CPA3: variants seen among roughly 807,000 people sequenced by gnomAD.
The protein encoded by CPA3 is mast cell carboxypeptidase A.
Under a neutral mutation model 55.8 loss-of-function variants are expected in CPA3, and 52 were observed. The ratio of observed to expected loss-of-function variants is 0.93; its 90% confidence interval spans 0.75 to 1.17. The LOEUF is 1.17. CPA3 is among the 50% of genes most tolerant of loss of function. The pLI, the probability that CPA3 is intolerant of heterozygous loss-of-function variation, is 0.00. For missense variants in CPA3, 547 were observed against 509.1 expected (o/e 1.07, Z -0.72); for synonymous variants, 179 against 171.2 (o/e 1.05, Z -0.36).
rs1395450262 is a variant in CPA3 at position 148,897,168 on chromosome 3, G to A, written c.*461G>A. 1 of 152,220 alleles carries A rather than the reference G, an allele frequency of 6.6e-6. No individual in the cohort carries two copies. The highest frequency in any genetic ancestry group is 1.9e-4 in the East Asian group (1 of 5,184). 9.4% of individuals were successfully genotyped at this position (152,220 alleles called of 1,614,324 possible). A position where few individuals can be genotyped will look rare whatever the true frequency, so the allele number is the denominator to read the frequency against. Reference sequence around the variant, plus strand: ...AATATTAATGCCATTCATTCAGTCTGTTAATAAGAAATAATATCTTCAATT... The same window carrying A: ...AATATTAATGCCATTCATTCAGTCTATTAATAAGAAATAATATCTTCAATT... On this transcript the variant is annotated 3_prime_UTR_variant, in exon 11 of 11. Coordinates refer to ENST00000296046, the MANE Select transcript of CPA3 (RefSeq NM_001870.4).
chr3:148,892,591 T>C (rs1336856758), intron 10 of CPA3, among the ~76,000 whole-genome samples: 1 of 152,042 alleles, frequency 6.6e-6, no homozygotes, highest in Non-Finnish European at 1.5e-5. Context: ...AGGCAGAGGT[T>C]GCAGTGAGCT....
At chr3:148,869,341 G>A (rs1430670072) in intron 3 of CPA3, among the ~76,000 whole-genome samples, 1 of 152,074 alleles carries the variant, frequency 6.6e-6, no homozygotes, top group Non-Finnish European at 1.5e-5. Flanking sequence ...CACATGAGCA[G>A]GCATGAATGG....
chr3:148,871,035 A>T (rs908882430), intron 3 of CPA3, among the ~76,000 whole-genome samples: 1 of 152,108 alleles, frequency 6.6e-6, no homozygotes, highest in Admixed American at 6.5e-5. Flanking sequence ...AGTAGCTTAT[A>T]CTACAGGCAC....
intron 3 of CPA3, chr3:148,870,060 TC>T (rs1271239324): frequency 8.4e-6 from 1 of 119,090 alleles, no homozygotes; most frequent in East Asian, 2.6e-4. Context: ...GCCACTGCAC[TC>T]CAGCATGGGT....
rs115403262 is a variant in CPA3, at chr3:148,888,688, A to G, written c.1066+2511A>G. Among the ~76,000 whole-genome samples, 702 of 152,372 alleles carry G rather than the reference A, an allele frequency of 4.6e-3. 1 individual carries two copies. The highest frequency in any genetic ancestry group is 0.041 in the Middle Eastern group (12 of 294). On this transcript the variant is annotated intron_variant, in intron 10 of 10. Coordinates refer to ENST00000296046, the MANE Select transcript of CPA3 (RefSeq NM_001870.4). Reference sequence around the variant, plus strand: ...AAGAAAAACCCACAGATAGTCTTAGAGGCAAAGAACAAAGCATTCCAAACA... The same window carrying G: ...AAGAAAAACCCACAGATAGTCTTAGGGGCAAAGAACAAAGCATTCCAAACA...
intron 10 of CPA3, among the ~76,000 whole-genome samples, chr3:148,892,307 T>C (rs574482125): frequency 1.3e-3 from 199 of 152,282 alleles, no homozygotes; most frequent in African/African-American, 4.4e-3. Context: ...CAATCACCTT[T>C]TACCCACTAA....
At chr3:148,895,610 A>C (rs1219628531) in intron 10 of CPA3, among the ~76,000 whole-genome samples, 1 of 152,188 alleles carries the variant, frequency 6.6e-6, no homozygotes, top group Non-Finnish European at 1.5e-5. Flanking sequence ...GTGCCAAGAA[A>C]TGTGTCTTGT....
chr3:148,888,972 C>T (rs1714601787), intron 10 of CPA3, among the ~76,000 whole-genome samples: 1 of 152,186 alleles, frequency 6.6e-6, no homozygotes, highest in African/African-American at 2.4e-5. Flanking sequence ...TACCATAGCT[C>T]CATGCCATCA....
At chr3:148,880,772 G>A (rs1325469183) in intron 6 of CPA3, among the ~76,000 whole-genome samples, 1 of 152,136 alleles carries the variant, frequency 6.6e-6, no homozygotes, top group African/African-American at 2.4e-5. Context: ...GGTGAAATAT[G>A]TGTAACAATG....
At chr3:148,870,128 T>C (rs188001160) in intron 3 of CPA3, 1 of 152,054 alleles carries the variant, frequency 6.6e-6, no homozygotes, top group Non-Finnish European at 1.5e-5. Flanking sequence ...AAAATGTGTT[T>C]TTATACTTTC....
intron 3 of CPA3, among the ~76,000 whole-genome samples, chr3:148,871,509 T>A (rs919748467): frequency 2.0e-5 from 3 of 152,208 alleles, no homozygotes; most frequent in Non-Finnish European, 4.4e-5. Flanking sequence ...GCAGCTAGCA[T>A]CCTTCCAATT....
chr3:148,874,937 G>A (rs1364690672), intron 3 of CPA3, among the ~76,000 whole-genome samples: 2 of 152,186 alleles, frequency 1.3e-5, no homozygotes, highest in South Asian at 2.1e-4. Context: ...TTCAATGGGA[G>A]CCTGAGGCCA....
intron 3 of CPA3, among the ~76,000 whole-genome samples, chr3:148,873,956 A>T (rs1445973966): frequency 6.6e-6 from 1 of 152,232 alleles, no homozygotes; most frequent in Non-Finnish European, 1.5e-5. Flanking sequence ...AATTTTCTTA[A>T]ACAAATTAAG....
intron 2 of CPA3, among the ~76,000 whole-genome samples, chr3:148,867,108 C>T (rs71304422): frequency 6.6e-6 from 1 of 152,170 alleles, no homozygotes; most frequent in Non-Finnish European, 1.5e-5. Flanking sequence ...TTATGATCTG[C>T]CAAACTACCA....
chr3:148,881,522 G>A lies in CPA3; in HGVS notation c.577G>A (p.Ala193Thr), dbSNP rs749569168. The change falls in exon 7 of 11, where the codon GCA (alanine) becomes ACA (threonine). Residue 193 changes from alanine to threonine, a missense_variant and splice_region_variant. Transcript: ENST00000296046. ...CTTAATTTTTTTTCACCTCCGACAGGCAACCAAAACTTATGGGAGAAACAA... is the reference window on the plus strand; with the variant it reads ...CTTAATTTTTTTTCACCTCCGACAGACAACCAAAACTTATGGGAGAAACAA... ...PAFCQWFVYQ[A>T]TKTYGRNKIM... 5.0e-6 allele frequency: 8 copies of A among 1,605,916 alleles called. No homozygotes were observed. In the South Asian group the frequency reaches 5.5e-5, roughly 11 times the overall value.
rs1037102562 is a variant in CPA3 at position 148,881,556 on chromosome 3, C to T, written c.611C>T (p.Thr204Ile). 1.2e-6 allele frequency: 2 copies of T among 1,612,478 alleles called. No individual in the cohort carries two copies. Among genetic ancestry groups the T allele is most frequent in the African/African-American group, 2.7e-5 (2 of 74,952 alleles). The change falls in exon 7 of 11, where the codon ACC becomes ATC. Residue 204 changes from threonine to isoleucine, a missense_variant. By Grantham distance (89) the Thr-to-Ile change is moderately conservative. Transcript: ENST00000296046. ...TKTYGRNKIM[T>I]KLLDRMNFYI... ...ACTTATGGGAGAAACAAAATTATGA[C>T]CAAACTCTTGGACCGAATGAATTTT...
Position 148,883,815 on chromosome 3 carries a change from G to T in CPA3, c.981G>T (p.Leu327Phe), listed in dbSNP as rs760646834. The change falls in exon 9 of 11, where the codon TTG becomes TTT. Residue 327 changes from leucine to phenylalanine, a missense_variant and splice_region_variant. Physicochemically the swap from Leu to Phe is conservative, Grantham distance 22. Transcript: ENST00000296046. Reference sequence around the variant, plus strand: ...AACTGCCACCTAACCATGAGGACTTGGTACGTAGACAAAAGTTTGCACTTC... The same window carrying T: ...AACTGCCACCTAACCATGAGGACTTTGTACGTAGACAAAAGTTTGCACTTC... The part of the protein sequence containing the change: ...TSKLPPNHED[L>F]AKVAKIGTDV... The T allele has an allele frequency of 6.2e-7, 1 of 1,612,280 alleles. No homozygotes were observed. The highest frequency in any genetic ancestry group is 2.2e-5 in the East Asian group (1 of 44,850).
chr3:148,894,267 A>G (rs1358870592), intron 10 of CPA3, among the ~76,000 whole-genome samples: 1 of 152,170 alleles, frequency 6.6e-6, no homozygotes, highest in Admixed American at 6.5e-5. Flanking sequence ...AAGTTTCTAC[A>G]CCTCACTTGA....
At chr3:148,880,835 G>A (rs1253033007) in intron 6 of CPA3, among the ~76,000 whole-genome samples, 1 of 152,122 alleles carries the variant, frequency 6.6e-6, no homozygotes, top group African/African-American at 2.4e-5. Flanking sequence ...GAAGTGACCT[G>A]TAGTTACTTT....
Sources: gnomAD v4.1 joint callset for allele counts (sites outside exome capture counted in the v4.1 genomes callset) on GRCh38, gnomAD v4.1.1 for gene constraint, MANE v1.5 for transcripts, NCBI Gene and HGNC (gene_info 2026-07-23, HGNC 2026-07-21) for gene names.